Variants in PLIN3 observed in about 807,000 individuals in gnomAD.
PLIN3 encodes perilipin 3, also known as perilipin-3.
In PLIN3, 30 loss-of-function variants were observed where a neutral mutation model predicts 35.9. The ratio of observed to expected loss-of-function variants is 0.84; its 90% CI spans 0.62 to 1.13. The LOEUF is 1.13. Among genes scored for constraint, PLIN3 ranks in the 50% most tolerant of loss-of-function variants. The probability of loss-of-function intolerance (pLI) is 0.00; values close to 1 mark genes in which losing one functional copy is unlikely to be tolerated. For missense variants in PLIN3, 603 were observed against 596.9 expected (o/e 1.01, Z -0.11); for synonymous variants, 261 against 262.5 (o/e 0.99, Z 0.06).
intron 4 of PLIN3, among the ~76,000 whole-genome samples, chr19:4,857,476 G>C (rs892602772): frequency 2.0e-5 from 3 of 152,026 alleles, no homozygotes; most frequent in African/African-American, 7.2e-5. Flanking sequence ...GCTGAGATGG[G>C]AGGATCACTT....
chr19:4,867,013 C>T (rs2030880545), intron 1 of PLIN3: 1 of 152,378 alleles, frequency 6.6e-6, no homozygotes. Flanking sequence ...GACAAGAACC[C>T]CAAAGCAGTT....
intron 7 of PLIN3, among the ~76,000 whole-genome samples, chr19:4,840,668 G>A (rs1219637947): frequency 6.6e-6 from 1 of 152,160 alleles, no homozygotes; most frequent in African/African-American, 2.4e-5. Flanking sequence ...AAACCATAAG[G>A]AGGCCTGGCA....
Position 4,843,381 on chromosome 19 carries a change from G to A in PLIN3, c.960+1287C>T, listed in dbSNP as rs528708850. 2.9e-3 allele frequency among the ~76,000 whole-genome samples: 436 copies of A among 151,908 alleles called. 1 individual carries two copies. Among genetic ancestry groups the A allele is most frequent in the African/African-American group, 9.6e-3 (399 of 41,422 alleles). On this transcript the variant is annotated intron_variant, in intron 7 of 7. Coordinates refer to ENST00000221957, the MANE Select transcript of PLIN3 (RefSeq NM_005817.5). ...AAATTAGCTGGGCCTGGTGGCGGGC[G>A]CCTGTAGTCCCAGATACTCGGGAGG...
chr19:4,847,957 C>G lies in PLIN3; in HGVS notation c.635-67G>C, dbSNP rs966517737. Reference sequence around the variant, plus strand: ...CACAGCTGGGCTCGTCCCATGCAGACAGTCCCAAGAATCACACTGTCCAGT... The same window carrying G: ...CACAGCTGGGCTCGTCCCATGCAGAGAGTCCCAAGAATCACACTGTCCAGT... On this transcript the variant is annotated intron_variant, in intron 5 of 7. Coordinates refer to ENST00000221957, the MANE Select transcript of PLIN3 (RefSeq NM_005817.5). 10 of 1,099,676 alleles carry G rather than the reference C, an allele frequency of 9.1e-6. No individual in the cohort carries two copies. In the Admixed American group the frequency reaches 1.4e-4, roughly 16 times the overall value. The allele number at this position is 1,099,676 out of a possible 1,614,324, so 68.1% of individuals were successfully genotyped here.
chr19:4,866,059 C>T (rs1477304656), intron 1 of PLIN3, among the ~76,000 whole-genome samples: 3 of 150,322 alleles, frequency 2.0e-5, no homozygotes, highest in Non-Finnish European at 4.4e-5. Context: ...GCTCTGTCGC[C>T]CAGGCTGGAA....
chr19:4,859,185 T>C (rs766264021), intron 4 of PLIN3, among the ~76,000 whole-genome samples: 7 of 152,128 alleles, frequency 4.6e-5, no homozygotes, highest in Admixed American at 4.6e-4. Context: ...ATAGACAATA[T>C]GTAAATAAAT....
At chr19:4,851,685 C>T (rs1435469520) in intron 5 of PLIN3, among the ~76,000 whole-genome samples, 3 of 151,750 alleles carry the variant, frequency 2.0e-5, no homozygotes, top group Admixed American at 2.0e-4. Flanking sequence ...GGAGGTTGTG[C>T]AGGACCTTGT....
chr19:4,839,940 C>T (rs2146193205), intron 7 of PLIN3, among the ~76,000 whole-genome samples: 1 of 149,212 alleles, frequency 6.7e-6, no homozygotes, highest in African/African-American at 2.5e-5. Flanking sequence ...GCTGGGATTA[C>T]AAGCGTGAGC....
In PLIN3 at chr19:4,860,022, G is replaced by A. The variant is rs2030622034; in HGVS notation, c.69C>T (p.Pro23=). 2 of 1,613,856 alleles carry A rather than the reference G, an allele frequency of 1.2e-6. No individual in the cohort carries two copies. The highest frequency in any genetic ancestry group is 1.3e-5 in the African/African-American group (1 of 74,908). ...QVTVEEPVQQ[P]SVVDRVASMP... ...TGCTGGCCACACGGTCCACCACACTGGGCTACAGGAGAGAAGTGGCTCAGG... is the reference window on the plus strand; with the variant it reads ...TGCTGGCCACACGGTCCACCACACTAGGCTACAGGAGAGAAGTGGCTCAGG... Residue 23 remains proline (P), a splice_region_variant and synonymous_variant, in exon 3 of 8, where the codon CCC becomes CCT. Coordinates refer to ENST00000221957, the MANE Select transcript of PLIN3 (RefSeq NM_005817.5).
At chr19:4,864,133 G>A (rs2030768135) in intron 1 of PLIN3, among the ~76,000 whole-genome samples, 1 of 105,824 alleles carries the variant, frequency 9.4e-6, no homozygotes, top group Non-Finnish European at 2.0e-5. Context: ...GTGTGTGTGT[G>A]TGTGTGTGTG....
chr19:4,852,406 C>T, intron 4 of PLIN3, 105 bp from the exon 5 acceptor site: 1 of 1,352,370 alleles, frequency 7.4e-7, no homozygotes, highest in Non-Finnish European at 1.0e-6. Flanking sequence ...GCGCCATCCC[C>T]CGGGTGACCC....
At chr19:4,860,133 C>T in intron 2 of PLIN3, 109 bp from the exon 3 acceptor site, 1 of 879,374 alleles carries the variant, frequency 1.1e-6, no homozygotes, top group South Asian at 1.5e-5. Flanking sequence ...AGTGAAACGG[C>T]TCAGTTTACC....
At chr19:4,864,644 G>A (rs1355968809) in intron 1 of PLIN3, among the ~76,000 whole-genome samples, 1 of 151,996 alleles carries the variant, frequency 6.6e-6, no homozygotes, top group Non-Finnish European at 1.5e-5. Context: ...TAAAAAGTGA[G>A]ATAACATGCC....
chr19:4,857,121 A>G (rs1482704306), intron 4 of PLIN3, among the ~76,000 whole-genome samples: 1 of 152,088 alleles, frequency 6.6e-6, no homozygotes, highest in Non-Finnish European at 1.5e-5. Context: ...ATTTAGAGAC[A>G]GGGTCTTTAA....
chr19:4,842,702 G>C (rs1239477846), intron 7 of PLIN3, among the ~76,000 whole-genome samples: 1 of 151,658 alleles, frequency 6.6e-6, no homozygotes, highest in African/African-American at 2.4e-5. Context: ...GATTACGGGA[G>C]AGTGCCCACG....
rs1457083124 is a variant in PLIN3, at chr19:4,859,856, G to C, written c.235C>G (p.Gln79Glu). The C allele has an allele frequency of 1.2e-6, 2 of 1,612,944 alleles. No homozygotes were observed. The highest frequency in any genetic ancestry group is 1.3e-5 in the African/African-American group (1 of 74,914). ...TLTAAAVSGAQPILSKLEPQI... is the reference protein window; with the variant it reads ...TLTAAAVSGAEPILSKLEPQI... ...GGCTCCAGCTTGGAGAGGATCGGCT[G>C]AGCCCCGCTGACAGCAGCCGCCGTG... The change falls in exon 3 of 8, where the codon CAG (glutamine) becomes GAG (glutamate). Residue 79 changes from glutamine (Q) to glutamate (E), a missense_variant. By Grantham distance (29) the Gln-to-Glu change is conservative. Transcript: ENST00000221957.
chr19:4,861,608 G>A (rs1416709067), intron 1 of PLIN3, among the ~76,000 whole-genome samples, 197 bp from the exon 2 acceptor site: 1 of 150,072 alleles, frequency 6.7e-6, no homozygotes, highest in Non-Finnish European at 1.5e-5. Context: ...CTTCGGGATG[G>A]GGCTCACCTG....
chr19:4,842,253 CCT>C (rs1157808519), intron 7 of PLIN3, among the ~76,000 whole-genome samples: 1 of 151,876 alleles, frequency 6.6e-6, no homozygotes, highest in African/African-American at 2.4e-5. Context: ...ATGACAGAAC[CCT>C]GTCTCTACTA....
chr19:4,861,783 C>T (rs2030684760), intron 1 of PLIN3, among the ~76,000 whole-genome samples: 1 of 151,856 alleles, frequency 6.6e-6, no homozygotes, highest in Non-Finnish European at 1.5e-5. Flanking sequence ...TACAGGCACC[C>T]ACCACCACGC....
Sources: allele counts gnomAD v4.1 joint callset (sites outside exome capture counted in the v4.1 genomes callset), GRCh38; gene constraint gnomAD v4.1.1; transcripts MANE v1.5; gene names NCBI Gene and HGNC (gene_info 2026-07-23, HGNC 2026-07-21).